Variants in METTL16 observed in about 807,000 individuals in gnomAD.
METTL16 encodes the protein RNA N(6)-adenosine-methyltransferase METTL16.
A neutral mutation model predicts 57.9 loss-of-function variants in METTL16; 19 were observed. That is an observed-to-expected ratio of 0.33 (90% CI 0.23 to 0.48). The LOEUF (loss-of-function observed/expected upper bound fraction) is 0.48. METTL16 is among the 20% of genes least tolerant of loss of function. METTL16 has a pLI of 0.99. For missense variants in METTL16, 434 were observed against 691.5 expected, an observed-to-expected ratio of 0.63 and a Z score of 4.18; for synonymous variants, 246 against 255.6, an observed-to-expected ratio of 0.96 and a Z score of 0.36.
chr17:2,468,775 G>A (rs1025548748), intron 4 of METTL16, among the ~76,000 whole-genome samples: 1 of 152,114 alleles, frequency 6.6e-6, no homozygotes, highest in South Asian at 2.1e-4. Flanking sequence ...TGTAATTCCA[G>A]CTACTTGGGA....
chr17:2,505,259 T>C (rs1324728333), intron 1 of METTL16, among the ~76,000 whole-genome samples: 4 of 151,920 alleles, frequency 2.6e-5, no homozygotes, highest in Non-Finnish European at 5.9e-5. Flanking sequence ...TAAACAATAT[T>C]ATGTTAGCCA....
intron 7 of METTL16, 82 bp downstream of exon 7, chr17:2,441,408 T>G: frequency 1.0e-6 from 1 of 986,062 alleles, no homozygotes; most frequent in Non-Finnish European, 1.5e-6. Flanking sequence ...CAATGCAATA[T>G]ATCAATGTAG....
At chr17:2,493,718 C>CAA (rs112843722) in intron 2 of METTL16, among the ~76,000 whole-genome samples, 7,398 of 128,408 alleles carry the variant, frequency 0.058, 248 homozygotes, top group African/African-American at 0.077. Context: ...GACTCTGTCT[C>CAA]AAAAAAAAAA....
At chr17:2,422,494 C>A (rs2151683339) in intron 8 of METTL16, among the ~76,000 whole-genome samples, 1 of 152,116 alleles carries the variant, frequency 6.6e-6, no homozygotes. Flanking sequence ...ATTCTCCTGC[C>A]TCAGCCTCCC....
chr17:2,501,064 G>A (rs922417308), intron 2 of METTL16, among the ~76,000 whole-genome samples: 2 of 151,984 alleles, frequency 1.3e-5, no homozygotes, highest in African/African-American at 4.8e-5. Flanking sequence ...TTGCAGTGAG[G>A]CGAGACTGCA....
At chr17:2,448,777 A>AAAAAAAAT (rs2067040255) in intron 6 of METTL16, among the ~76,000 whole-genome samples, 1 of 113,242 alleles carries the variant, frequency 8.8e-6, no homozygotes, top group Non-Finnish European at 1.6e-5. Flanking sequence ...AAAAAATAAA[A>AAAAAAAAT]AAATAAAAAA....
At chr17:2,434,737 A>G (rs1597441735) in intron 8 of METTL16, among the ~76,000 whole-genome samples, 1 of 152,076 alleles carries the variant, frequency 6.6e-6, no homozygotes, top group East Asian at 1.9e-4. Context: ...AACATGCACA[A>G]AGTTGCCTAA....
At chr17:2,447,832 G>A (rs1313728826) in intron 6 of METTL16, among the ~76,000 whole-genome samples, 9 of 90,600 alleles carry the variant, frequency 9.9e-5, no homozygotes, top group East Asian at 3.2e-4. Flanking sequence ...CTGGCCAGCC[G>A]CCCCATCCGG....
In METTL16 at chr17:2,420,237, C is replaced by T. The variant is rs2066752065; in HGVS notation, c.1422G>A (p.Val474=). ...AGCCTTGACAACTTTCCAAAACCTC[C>T]ACCCCTCCCTTTTCCTCACTCCTTT... The part of the protein sequence containing the change: ...EDERSEEKGG[V]EVLESCQGSS... Residue 474 remains valine (V), a synonymous_variant, in exon 10 of 10, where the codon GTG becomes GTA. Coordinates refer to ENST00000263092, the MANE Select transcript of METTL16 (RefSeq NM_024086.4). The surrounding 1 kb of genome is among the most constrained non-coding windows in gnomAD (Gnocchi z 5.4). 6.2e-7 allele frequency: 1 copy of T among 1,614,202 alleles called. No individual in the cohort carries two copies. Among genetic ancestry groups the T allele is most frequent in the South Asian group, 1.1e-5 (1 of 91,088 alleles).
chr17:2,445,728 G>C (rs926361016), intron 6 of METTL16, among the ~76,000 whole-genome samples: 3 of 151,790 alleles, frequency 2.0e-5, no homozygotes, highest in Non-Finnish European at 4.4e-5. Context: ...AGAGGTCACA[G>C]TGAGCTGAGA....
rs778818177 is a variant in METTL16 at position 2,426,728 on chromosome 17, C to CAAAA, written c.889-5828_889-5825dup. On this transcript the variant is annotated intron_variant, in intron 8 of 9. Transcript: ENST00000263092. ...TGGGTGACAGAGCAAGACTCCGTCT[C>CAAAA]AAAAAAAAAAAAAAAAAAAAAAAAG... Among the ~76,000 whole-genome samples, 60 of 35,138 alleles carry CAAAA rather than the reference C, an allele frequency of 1.7e-3. 1 individual carries two copies. The highest frequency in any genetic ancestry group is 6.1e-3 in the African/African-American group (60 of 9,790). The allele number at this position is 35,138 out of a possible 152,430, so 23.1% of individuals were successfully genotyped here. A position where few individuals can be genotyped will look rare whatever the true frequency, so the allele number is the denominator to read the frequency against.
At chr17:2,459,123 A>G (rs74882218) in intron 6 of METTL16, among the ~76,000 whole-genome samples, 6 of 151,912 alleles carry the variant, frequency 3.9e-5, no homozygotes, top group Non-Finnish European at 7.4e-5. Flanking sequence ...GTCACTTGAG[A>G]AAAAAAAGCT....
At chr17:2,437,491 G>A (rs1597443130) in intron 8 of METTL16, among the ~76,000 whole-genome samples, 2 of 152,052 alleles carry the variant, frequency 1.3e-5, no homozygotes, top group East Asian at 1.9e-4. Flanking sequence ...AATTATATCT[G>A]CAAAATGTTT....
Position 2,420,699 on chromosome 17 carries a change from T to A in METTL16, c.1062+32A>T, listed in dbSNP as rs913545487. The A allele has an allele frequency of 6.3e-7, 1 of 1,581,516 alleles. No homozygotes were observed. The highest frequency in any genetic ancestry group is 8.6e-7 in the Non-Finnish European group (1 of 1,167,986). On this transcript the variant is annotated intron_variant, in intron 9 of 9. Coordinates refer to ENST00000263092, the MANE Select transcript of METTL16 (RefSeq NM_024086.4). The surrounding 1 kb of genome is among the most constrained non-coding windows in gnomAD (Gnocchi z 5.4). ...AAAAGAAAAAAGAGAAGGATCATTA[T>A]GAGTACTTCGTCAATATGGTTAAGC...
intron 8 of METTL16, among the ~76,000 whole-genome samples, chr17:2,421,359 GA>G (rs977427888): frequency 4.7e-5 from 7 of 150,428 alleles, no homozygotes; most frequent in African/African-American, 1.2e-4. Flanking sequence ...TGTCTCTTAA[GA>G]AAAAAAAAAT....
chr17:2,428,564 A>AATATATATAT (rs71362532), intron 8 of METTL16, among the ~76,000 whole-genome samples: 22 of 31,338 alleles, frequency 7.0e-4, no homozygotes, highest in Non-Finnish European at 9.5e-4. Flanking sequence ...AAAAAAAAAA[A>AATATATATAT]ATATATATAT....
chr17:2,502,716 T>C (rs1421377013), intron 1 of METTL16, among the ~76,000 whole-genome samples: 1 of 150,396 alleles, frequency 6.6e-6, no homozygotes, highest in East Asian at 1.9e-4. Context: ...TGGGGAAAGC[T>C]GTGGATGCCA....
intron 8 of METTL16, among the ~76,000 whole-genome samples, chr17:2,434,257 G>A (rs772438936): frequency 6.6e-6 from 1 of 152,072 alleles, no homozygotes; most frequent in Non-Finnish European, 1.5e-5. Flanking sequence ...GGTGGGCAAC[G>A]GCGTGACCTC....
chr17:2,433,234 G>C (rs2066887074), intron 8 of METTL16, among the ~76,000 whole-genome samples: 1 of 152,224 alleles, frequency 6.6e-6, no homozygotes, highest in Non-Finnish European at 1.5e-5. Flanking sequence ...CAGGGTATGA[G>C]CAAAGGCTGT....
Sources: gnomAD v4.1 joint callset for allele counts (sites outside exome capture counted in the v4.1 genomes callset) on GRCh38, gnomAD v4.1.1 for gene constraint, Gnocchi (gnomAD v3.1) non-coding constraint, MANE v1.5 for transcripts, NCBI Gene and HGNC (gene_info 2026-07-23, HGNC 2026-07-21) for gene names.